TASP1: variants seen among roughly 807,000 people sequenced by gnomAD.
The protein encoded by TASP1 is threonine aspartase 1.
Under a neutral mutation model 56.6 loss-of-function variants are expected in TASP1, and 16 were observed. The ratio of observed to expected loss-of-function variants is 0.28; its 90% CI spans 0.19 to 0.43. The LOEUF (loss-of-function observed/expected upper bound fraction) is 0.43. TASP1 is among the 20% of genes least tolerant of loss of function. The pLI, the probability that TASP1 is intolerant of heterozygous loss-of-function variation, is 1.00. For synonymous variants in TASP1, 179 were observed against 184.2 expected (o/e 0.97, Z 0.23); for missense variants, 393 against 511.6 (o/e 0.77, Z 2.24).
At chr20:13,607,602 C>T (rs1442871928) in intron 4 of TASP1, among the ~76,000 whole-genome samples, 5 of 152,086 alleles carry the variant, frequency 3.3e-5, no homozygotes, top group African/African-American at 9.7e-5. Flanking sequence ...CTTCCTTTAA[C>T]GAGAAGTCAG....
At chr20:13,397,624 CA>C in intron 13 of TASP1, among the ~76,000 whole-genome samples, 1 of 152,228 alleles carries the variant, frequency 6.6e-6, no homozygotes, top group East Asian at 1.9e-4. Context: ...CAGGGTGAAT[CA>C]GAGCTTGCTC....
the TASP1 span, among the ~76,000 whole-genome samples, chr20:13,203,326 C>A: frequency 6.6e-6 from 1 of 152,188 alleles, no homozygotes; most frequent in South Asian, 2.1e-4. Context: ...AATGCCACTA[C>A]TTGAACTCTC....
At chr20:13,216,636 G>A in the TASP1 span, among the ~76,000 whole-genome samples, 1 of 152,128 alleles carries the variant, frequency 6.6e-6, no homozygotes, top group African/African-American at 2.4e-5. Flanking sequence ...TTGCCCCCTA[G>A]TTAGGGTAAT....
chr20:13,139,171 G>A, the TASP1 span, among the ~76,000 whole-genome samples: 1 of 152,032 alleles, frequency 6.6e-6, no homozygotes. Context: ...ATGTTTTTGT[G>A]ACATTACTTG....
chr20:13,414,924 A>G (rs912114383), intron 13 of TASP1, among the ~76,000 whole-genome samples: 1 of 152,088 alleles, frequency 6.6e-6, no homozygotes, highest in African/African-American at 2.4e-5. Context: ...ACGCAATATG[A>G]TTTTTAGCTA....
the TASP1 span, among the ~76,000 whole-genome samples, chr20:13,332,095 C>A: frequency 2.6e-5 from 4 of 152,116 alleles, no homozygotes; most frequent in African/African-American, 7.2e-5. Flanking sequence ...TCCCTGTAGA[C>A]CACAAAAAGA....
chr20:13,386,988 T>G (rs552489625), downstream of TASP1, among the ~76,000 whole-genome samples: 2 of 152,174 alleles, frequency 1.3e-5, no homozygotes, highest in Middle Eastern at 3.4e-3. Context: ...TAGGACCCGA[T>G]AGGTGGTTTT....
chr20:13,155,240 T>C, the TASP1 span, among the ~76,000 whole-genome samples: 205 of 152,300 alleles, frequency 1.3e-3, no homozygotes, highest in African/African-American at 4.6e-3. Flanking sequence ...TGTTTATTTT[T>C]ATCTCTGACC....
chr20:13,555,133 C>T (rs2046111778), intron 8 of TASP1, among the ~76,000 whole-genome samples: 1 of 152,098 alleles, frequency 6.6e-6, no homozygotes, highest in Non-Finnish European at 1.5e-5. Flanking sequence ...CCTGTAATCC[C>T]AGCACTTTGG....
chr20:13,110,065 A>G, the TASP1 span: 50 of 1,500,256 alleles, frequency 3.3e-5, no homozygotes, highest in African/African-American at 6.1e-4. Context: ...GAAAAGGAAA[A>G]GTAAACCCTT....
the TASP1 span, among the ~76,000 whole-genome samples, chr20:13,177,442 C>A: frequency 6.6e-6 from 1 of 151,934 alleles, no homozygotes; most frequent in Admixed American, 6.6e-5. Context: ...ATAGAAGATC[C>A]CAAATAGTGA....
the TASP1 span, among the ~76,000 whole-genome samples, chr20:13,150,362 G>C: frequency 6.6e-6 from 1 of 152,134 alleles, no homozygotes; most frequent in East Asian, 1.9e-4. Context: ...CTGTGTCTAA[G>C]CATATATATA....
chr20:13,599,205 G>A (rs1601396765), intron 4 of TASP1, among the ~76,000 whole-genome samples: 1 of 152,264 alleles, frequency 6.6e-6, no homozygotes, highest in East Asian at 1.9e-4. Context: ...TATAAATAAT[G>A]CTACTATAAA....
the TASP1 span, among the ~76,000 whole-genome samples, chr20:13,200,492 TTCTCTC>T: frequency 6.6e-6 from 1 of 150,948 alleles, no homozygotes; most frequent in South Asian, 2.1e-4. Flanking sequence ...CTAGTGAAGT[TTCTCTC>T]TCTCTCTCTC....
At chr20:13,498,329 T>TG (rs2043806575) in intron 10 of TASP1, among the ~76,000 whole-genome samples, 6 of 116,042 alleles carry the variant, frequency 5.2e-5, no homozygotes, top group Admixed American at 1.9e-4. Flanking sequence ...TTTTCTTTTC[T>TG]TTTGTGTGTG....
the TASP1 span, among the ~76,000 whole-genome samples, chr20:13,145,860 A>C: frequency 6.6e-6 from 1 of 152,196 alleles, no homozygotes; most frequent in Admixed American, 6.5e-5. Context: ...TCTGATCTTC[A>C]ACAAACTTGA....
chr20:13,629,898 A>G, intron 2 of TASP1, 36 bp downstream of exon 2: 4 of 1,609,752 alleles, frequency 2.5e-6, no homozygotes, highest in Non-Finnish European at 3.4e-6. Context: ...AAAAATCAAC[A>G]TTATTGGCAT....
chr20:13,130,313 C>G, the TASP1 span, among the ~76,000 whole-genome samples: 12 of 152,338 alleles, frequency 7.9e-5, no homozygotes, highest in East Asian at 1.9e-3. Context: ...CTTACAGGAT[C>G]TGAGAAAGAG....
chr20:13,621,078 T>C (rs1214146777), intron 4 of TASP1, among the ~76,000 whole-genome samples: 1 of 152,120 alleles, frequency 6.6e-6, no homozygotes, highest in Non-Finnish European at 1.5e-5. Context: ...AAAGAGTCCA[T>C]AGAAAAGTTA....
Sources: allele counts gnomAD v4.1 joint callset (sites outside exome capture counted in the v4.1 genomes callset), GRCh38; gene constraint gnomAD v4.1.1; transcripts MANE v1.5; gene names NCBI Gene and HGNC (gene_info 2026-07-23, HGNC 2026-07-21).